The following DNTT variants were observed in gnomAD, a reference collection of about 807,000 sequenced individuals.
The protein encoded by DNTT is nucleosidetriphosphate:DNA deoxynucleotidylexotransferase.
A neutral mutation model predicts 60.9 loss-of-function variants in DNTT; 47 were observed. The observed-to-expected ratio is 0.77, with a 90% CI of 0.61 to 0.98. The LOEUF (loss-of-function observed/expected upper bound fraction) is 0.98. Among genes scored for constraint, DNTT ranks in the 50% least tolerant of loss-of-function variants. The probability of loss-of-function intolerance (pLI) is 0.00; values close to 1 mark genes in which losing one functional copy is unlikely to be tolerated. For synonymous variants in DNTT, 224 were observed against 221.2 expected, an observed-to-expected ratio of 1.01 and a Z score of -0.11; for missense variants, 665 against 627.5, an observed-to-expected ratio of 1.06 and a Z score of -0.64.
chr10:96,336,812 C>T (rs1466293052), intron 10 of DNTT, among the ~76,000 whole-genome samples: 2 of 151,762 alleles, frequency 1.3e-5, no homozygotes, highest in East Asian at 1.9e-4. Context: ...TGTGGCGGCT[C>T]GCACACACCC....
Position 96,327,569 on chromosome 10 carries a change from G to A in DNTT, c.976G>A (p.Ala326Thr), listed in dbSNP as rs746014962. ...KEAVWAFLPD[A>T]FVTMTGGFRR... ...GGCTGTCTGGGCATTTCTTCCGGAT[G>A]CTTTCGTCACCATGACAGGAGGGTT... Residue 326 changes from alanine to threonine, a missense_variant, in exon 7 of 11, where the codon GCT becomes ACT. Coordinates refer to ENST00000371174, the MANE Select transcript of DNTT (RefSeq NM_004088.4). 1.9e-6 allele frequency: 3 copies of A among 1,613,982 alleles called. No homozygotes were observed. The highest frequency in any genetic ancestry group is 2.2e-5 in the South Asian group (2 of 91,054).
chr10:96,334,366 G>A (rs991457386), intron 9 of DNTT, among the ~76,000 whole-genome samples: 2 of 152,174 alleles, frequency 1.3e-5, no homozygotes, highest in African/African-American at 4.8e-5. Context: ...GCCAGTACTG[G>A]ATAAGTAGTA....
At chr10:96,319,131 A>T in intron 2 of DNTT, 131 bp from the exon 3 acceptor site, 1 of 969,710 alleles carries the variant, frequency 1.0e-6, no homozygotes, top group Non-Finnish European at 1.5e-6. Context: ...TTAGAGATGT[A>T]TATAACATAA....
intron 1 of DNTT, among the ~76,000 whole-genome samples, chr10:96,310,632 T>C (rs1396183958): frequency 1.3e-5 from 2 of 152,198 alleles, no homozygotes; most frequent in African/African-American, 4.8e-5. Flanking sequence ...GGCTCCCAGC[T>C]TTTCCTTTTG....
At chr10:96,330,806 C>T (rs529297776) in intron 8 of DNTT, among the ~76,000 whole-genome samples, 20 of 152,296 alleles carry the variant, frequency 1.3e-4, no homozygotes, top group African/African-American at 4.8e-4. Flanking sequence ...CCCTGCCCCT[C>T]CTGCATCACT....
At chr10:96,320,277 C>T (rs576676618) in intron 3 of DNTT, among the ~76,000 whole-genome samples, 3 of 152,354 alleles carry the variant, frequency 2.0e-5, no homozygotes, top group African/African-American at 7.2e-5. Context: ...ATTCTAGCCA[C>T]AGGCTAGTGG....
At chr10:96,312,535 G>A (rs1282131342) in intron 1 of DNTT, among the ~76,000 whole-genome samples, 1 of 152,194 alleles carries the variant, frequency 6.6e-6, no homozygotes, top group Non-Finnish European at 1.5e-5. Context: ...GTGGCAGAAT[G>A]TAGAACCACG....
rs763048532 is a variant in DNTT, at chr10:96,319,251, C to A, written c.379-11C>A. ...TTTTTATTGAAAATGGATGCTTATG[C>A]ATTTGTTTAGGTGAGAAGAGACTAT... On this transcript the variant is annotated splice_polypyrimidine_tract_variant and intron_variant, in intron 2 of 10. Transcript: ENST00000371174. 2.7e-5 allele frequency: 44 copies of A among 1,610,586 alleles called. No homozygotes were observed. Among genetic ancestry groups the A allele is most frequent in the Middle Eastern group, 1.6e-4 (1 of 6,076 alleles).
Position 96,334,272 on chromosome 10 carries a change from A to C in DNTT, c.1360-1619A>C, listed in dbSNP as rs114260835. On this transcript the variant is annotated intron_variant, in intron 9 of 10. Transcript: ENST00000371174. The stretch of plus-strand genomic sequence containing the variant: ...CAATTTTCCCGTCAGGAAAATGAGG[A>C]CGATGACCTTAGCTACTTCCCTGAG... Among the ~76,000 whole-genome samples the C allele has an allele frequency of 6.9e-3, 1,046 of 152,272 alleles. 17 individuals are homozygous for C. Among genetic ancestry groups the C allele is most frequent in the African/African-American group, 0.023 (966 of 41,528 alleles).
intron 1 of DNTT, among the ~76,000 whole-genome samples, chr10:96,307,343 G>GTTTTTTTT (rs533516556): frequency 3.0e-5 from 2 of 67,594 alleles, no homozygotes; most frequent in African/African-American, 1.3e-4. Flanking sequence ...GGGTTTTCCA[G>GTTTTTTTT]TTTTTTTTTT....
chr10:96,327,348 T>G, intron 6 of DNTT, 120 bp from the exon 7 acceptor site: 3 of 1,398,342 alleles, frequency 2.1e-6, no homozygotes, highest in Non-Finnish European at 3.0e-6. Flanking sequence ...GGAATGGAGT[T>G]TGGTGTTGAT....
At position 96,319,260 on chromosome 10, in the gene DNTT, A is replaced by G; in HGVS notation, c.379-2A>G. The G allele has an allele frequency of 6.2e-7, 1 of 1,611,946 alleles. No homozygotes were observed. The highest frequency in any genetic ancestry group is 1.1e-5 in the South Asian group (1 of 90,536). On this transcript the variant is annotated splice_acceptor_variant, in intron 2 of 10. Coordinates refer to ENST00000371174, the MANE Select transcript of DNTT (RefSeq NM_004088.4). LOFTEE classifies it high-confidence loss of function. ...AAAATGGATGCTTATGCATTTGTTT[A>G]GGTGAGAAGAGACTATTCAGATAGC... is the stretch of plus-strand genomic sequence containing the variant.
chr10:96,335,751 C>A, intron 9 of DNTT, 140 bp from the exon 10 acceptor site: 1 of 889,060 alleles, frequency 1.1e-6, no homozygotes, highest in Non-Finnish European at 1.8e-6. Flanking sequence ...CTTCTGTCAC[C>A]AGAGAATTTG....
At chr10:96,308,591 G>A (rs1010352638) in intron 1 of DNTT, among the ~76,000 whole-genome samples, 6 of 152,148 alleles carry the variant, frequency 3.9e-5, no homozygotes, top group African/African-American at 1.4e-4. Context: ...ACACATTAGT[G>A]TCACTCGAGT....
chr10:96,318,850 C>T (rs989530668), intron 2 of DNTT, among the ~76,000 whole-genome samples: 1 of 152,186 alleles, frequency 6.6e-6, no homozygotes, highest in Non-Finnish European at 1.5e-5. Context: ...ATATTTAAGC[C>T]TTGATATTCT....
chr10:96,320,567 G>A (rs757788271), intron 3 of DNTT, 51 bp from the exon 4 acceptor site: 4 of 1,598,898 alleles, frequency 2.5e-6, no homozygotes, highest in Non-Finnish European at 3.4e-6. Context: ...AGTGACCACT[G>A]GCTCAGGGGC....
At chr10:96,324,416 G>A in intron 6 of DNTT, 27 bp downstream of exon 6, 1 of 1,612,942 alleles carries the variant, frequency 6.2e-7, no homozygotes, top group Non-Finnish European at 8.5e-7. Flanking sequence ...AAAAGTCATT[G>A]TTGCTATGGG....
At chr10:96,307,703 G>GTATATATATA (rs1344781767) in intron 1 of DNTT, among the ~76,000 whole-genome samples, 65 of 35,278 alleles carry the variant, frequency 1.8e-3, no homozygotes, top group African/African-American at 5.6e-3. Context: ...GTGTGTGTGT[G>GTATATATATA]TGTATATATA....
intron 4 of DNTT, among the ~76,000 whole-genome samples, chr10:96,321,255 G>T (rs1844869978): frequency 6.6e-6 from 1 of 152,140 alleles, no homozygotes; most frequent in South Asian, 2.1e-4. Context: ...ACTTGGAAGA[G>T]ACCCAAGTGG....
Sources: allele counts gnomAD v4.1 joint callset (sites outside exome capture counted in the v4.1 genomes callset), GRCh38; gene constraint gnomAD v4.1.1; transcripts MANE v1.5; gene names NCBI Gene and HGNC (gene_info 2026-07-23, HGNC 2026-07-21).